Variants in RGS3 observed in about 807,000 individuals in gnomAD.
RGS3 encodes regulator of G-protein signalling 3.
A neutral mutation model predicts 132.6 loss-of-function variants in RGS3; 80 were observed. The ratio of observed to expected loss-of-function variants is 0.60; its 90% CI spans 0.50 to 0.73. The LOEUF is 0.73. Among genes scored for constraint, RGS3 ranks in the 30% least tolerant of loss-of-function variants. RGS3 has a pLI of 0.00. For missense variants in RGS3, 1,382 were observed against 1,530.8 expected, an observed-to-expected ratio of 0.90 and a Z score of 1.62; for synonymous variants, 598 against 620.6, an observed-to-expected ratio of 0.96 and a Z score of 0.54.
At chr9:113,446,848 A>T (rs905129020) in intron 1 of RGS3, among the ~76,000 whole-genome samples, 5 of 152,202 alleles carry the variant, frequency 3.3e-5, no homozygotes, top group Non-Finnish European at 7.3e-5. Context: ...ACAGATTATC[A>T]GTTGGGCAGA....
intron 14 of RGS3, among the ~76,000 whole-genome samples, chr9:113,509,717 C>A (rs1356337671): frequency 6.6e-6 from 1 of 152,078 alleles, no homozygotes; most frequent in Non-Finnish European, 1.5e-5. Flanking sequence ...CCTTGCTGTT[C>A]CCCTCTCAGT....
chr9:113,500,538 C>T (rs1056817155), intron 10 of RGS3, among the ~76,000 whole-genome samples: 1 of 152,098 alleles, frequency 6.6e-6, no homozygotes, highest in African/African-American at 2.4e-5. Context: ...ACCATAACCT[C>T]TCCAGGCCTC....
intron 16 of RGS3, among the ~76,000 whole-genome samples, chr9:113,518,213 T>C (rs1274946049): frequency 6.6e-6 from 1 of 152,234 alleles, no homozygotes; most frequent in African/African-American, 2.4e-5. Context: ...GTCTCTGAGC[T>C]TAAACTACTT....
intron 10 of RGS3, chr9:113,501,762 A>G (rs751696027): frequency 1.1e-5 from 11 of 975,624 alleles, no homozygotes; most frequent in Non-Finnish European, 1.7e-5. Flanking sequence ...TCACTTGGAT[A>G]TGGGGAGGAG....
rs1212631607 is a variant in RGS3, at chr9:113,594,482, C to T, written c.3133C>T (p.Pro1045Ser). The T allele has an allele frequency of 2.5e-6, 4 of 1,613,624 alleles. No homozygotes were observed. The African/African-American group carries it at 4.0e-5, about 16-fold the overall frequency. ...GATCTTCAGACGGCGGAATGAGTCCCCTGGAGCCCCTCCCGCGGGCAAGGC... is the reference window on the plus strand; with the variant it reads ...GATCTTCAGACGGCGGAATGAGTCCTCTGGAGCCCCTCCCGCGGGCAAGGC... The change falls in exon 22 of 25, where the codon CCT becomes TCT. Residue 1045 changes from proline (P) to serine (S), a missense_variant. Coordinates refer to ENST00000350696, the Ensembl canonical transcript of RGS3.
intron 3 of RGS3, among the ~76,000 whole-genome samples, chr9:113,464,629 G>A (rs901514117): frequency 1.3e-5 from 2 of 152,296 alleles, no homozygotes; most frequent in Non-Finnish European, 2.9e-5. Context: ...GTGGAGAGGG[G>A]TTATTTTTCC....
intron 1 of RGS3, among the ~76,000 whole-genome samples, chr9:113,460,584 A>G (rs1829450678): frequency 6.6e-6 from 1 of 152,144 alleles, no homozygotes; most frequent in Non-Finnish European, 1.5e-5. Flanking sequence ...TTTTGAAATG[A>G]ATTTTTAGTT....
intron 20 of RGS3, among the ~76,000 whole-genome samples, chr9:113,590,234 G>T (rs1215812026): frequency 6.6e-6 from 1 of 152,140 alleles, no homozygotes; most frequent in Non-Finnish European, 1.5e-5. Context: ...TAGGTTTATT[G>T]TGAGGTTTAA....
chr9:113,558,698 G>A (rs912215715), intron 19 of RGS3, among the ~76,000 whole-genome samples: 1 of 152,190 alleles, frequency 6.6e-6, no homozygotes, highest in Non-Finnish European at 1.5e-5. Flanking sequence ...GTGGTGAGGG[G>A]CTTTGACATT....
chr9:113,552,919 G>T (rs10481677), intron 19 of RGS3, among the ~76,000 whole-genome samples: 18,148 of 151,932 alleles, frequency 0.12, 1,310 homozygotes, highest in African/African-American at 0.19. Context: ...ATTATATTTG[G>T]TTTTTTAACT....
chr9:113,502,702 A>T (rs7856515), intron 10 of RGS3, among the ~76,000 whole-genome samples: 2,299 of 152,190 alleles, frequency 0.015, 62 homozygotes, highest in African/African-American at 0.053. Flanking sequence ...TGGCTGTCAG[A>T]GTGGGGCCAG....
chr9:113,560,823 G>A (rs1227830084), intron 19 of RGS3, among the ~76,000 whole-genome samples: 1 of 152,150 alleles, frequency 6.6e-6, no homozygotes, highest in Non-Finnish European at 1.5e-5. Flanking sequence ...AGCAGCCTGG[G>A]GTGGTCACTT....
intron 19 of RGS3, among the ~76,000 whole-genome samples, chr9:113,564,019 G>C (rs1009017615): frequency 2.6e-5 from 4 of 152,276 alleles, no homozygotes; most frequent in African/African-American, 9.6e-5. Flanking sequence ...TCTGGTGGGA[G>C]CCAGCCACAA....
chr9:113,582,770 T>C (rs1834889068), intron 19 of RGS3: 1 of 152,328 alleles, frequency 6.6e-6, no homozygotes, highest in Non-Finnish European at 1.5e-5. Context: ...CTGAGCTTCC[T>C]CCAAGCAGTT....
rs1335143977 is a variant in RGS3, at chr9:113,485,672, G to A, written c.668G>A (p.Trp223Ter). 1.9e-6 allele frequency: 3 copies of A among 1,594,334 alleles called. No individual in the cohort carries two copies. In the Admixed American group the frequency reaches 5.3e-5, roughly 28 times the overall value. ...CAGAAGCGTCTCTTGGTTACTGTGT[G>A]GAACAGGGCCAGCCAGTCCAGGTGA... Residue 223 changes from tryptophan (W) to a stop codon, truncating the protein, a stop_gained, in exon 7 of 25, where the codon TGG becomes TAG. Transcript: ENST00000350696. LOFTEE classifies it high-confidence loss of function.
intron 1 of RGS3, chr9:113,461,644 G>T: frequency 6.6e-7 from 1 of 1,513,550 alleles, no homozygotes; most frequent in Non-Finnish European, 9.0e-7. Context: ...CAAAGCAGTA[G>T]AATCTTTGTT....
chr9:113,451,162 G>C (rs1829233621), intron 1 of RGS3, among the ~76,000 whole-genome samples: 3 of 150,248 alleles, frequency 2.0e-5, no homozygotes. Flanking sequence ...CTGGGCAACA[G>C]TGCAAGACTC....
chr9:113,565,068 G>C lies in RGS3; in HGVS notation c.2038-18382G>C. ...CTGCTAGGGATCCCAGTGCCAGGGG[G>C]TGCCGTTGTGAGGGATGGACGCCTC... On this transcript the variant is annotated intron_variant, in intron 19 of 24. Coordinates refer to ENST00000350696, the Ensembl canonical transcript of RGS3. This position sits in a 1 kb window ranked among gnomAD's most constrained non-coding sequence, Gnocchi z 5.7. 1 of 1,142,168 alleles carries C rather than the reference G, an allele frequency of 8.8e-7. No homozygotes were observed. Among genetic ancestry groups the C allele is most frequent in the Non-Finnish European group, 1.1e-6 (1 of 917,350 alleles). The allele number at this position is 1,142,168 out of a possible 1,614,324, so 70.8% of individuals were successfully genotyped here.
chr9:113,517,728 C>T, intron 16 of RGS3, 104 bp downstream of exon 14: 1 of 857,386 alleles, frequency 1.2e-6, no homozygotes, highest in Non-Finnish European at 1.8e-6. Context: ...TAGAATTGTA[C>T]ATTCTCAGGG....
Sources: gnomAD v4.1 joint callset for allele counts (sites outside exome capture counted in the v4.1 genomes callset) on GRCh38, gnomAD v4.1.1 for gene constraint, Gnocchi (gnomAD v3.1) non-coding constraint, MANE v1.5 for transcripts, NCBI Gene and HGNC (gene_info 2026-07-23, HGNC 2026-07-21) for gene names.